Variants in TEAD4 observed in about 807,000 individuals in gnomAD.
TEAD4 encodes the protein TEA domain transcription factor 4.
In TEAD4, 36 loss-of-function variants were observed where a neutral mutation model predicts 52.4. The ratio of observed to expected loss-of-function variants is 0.69; its 90% CI spans 0.53 to 0.91. The LOEUF (loss-of-function observed/expected upper bound fraction) is 0.91. TEAD4 is among the 40% of genes least tolerant of loss of function. TEAD4 has a pLI of 0.00. For missense variants in TEAD4, 508 were observed against 583.9 expected (o/e 0.87, Z 1.34); for synonymous variants, 220 against 231.0 (o/e 0.95, Z 0.43).
chr12:3,040,347 T>TC lies in TEAD4; in HGVS notation c.1192-17dup. On this transcript the variant is annotated splice_polypyrimidine_tract_variant and intron_variant, in intron 12 of 12. Transcript: ENST00000359864. ...CCTTCTGGGGCCTTATTAACCCTTG[T>TC]CTTTTTCTCTCCCACAGGTGGTCAC... The TC allele has an allele frequency of 6.2e-7, 1 of 1,614,136 alleles. No individual in the cohort carries two copies. Among genetic ancestry groups the TC allele is most frequent in the South Asian group, 1.1e-5 (1 of 91,076 alleles).
At chr12:3,023,528 C>T (rs7969524) in intron 10 of TEAD4, among the ~76,000 whole-genome samples, 1 of 151,820 alleles carries the variant, frequency 6.6e-6, no homozygotes, top group Non-Finnish European at 1.5e-5. Context: ...TGGCTCATGC[C>T]TGTAATCCCA....
At chr12:3,039,977 G>T in intron 11 of TEAD4, 130 bp from the exon 12 acceptor site, 1 of 1,262,994 alleles carries the variant, frequency 7.9e-7, no homozygotes, top group Non-Finnish European at 1.1e-6. Flanking sequence ...GTGAGCCACT[G>T]CCCCTGGCTG....
intron 2 of TEAD4, among the ~76,000 whole-genome samples, chr12:2,993,185 C>A (rs1476551225): frequency 6.6e-6 from 1 of 152,190 alleles, no homozygotes; most frequent in African/African-American, 2.4e-5. Flanking sequence ...CGTATATTCA[C>A]AATGCTGCGC....
chr12:3,012,042 TTTCA>T (rs1291535401), intron 4 of TEAD4, 124 bp from the exon 5 acceptor site: 281 of 898,372 alleles, frequency 3.1e-4, no homozygotes, highest in Non-Finnish European at 3.9e-4. Context: ...CAGTTGACCC[TTTCA>T]TTCATTCATT....
At chr12:2,970,681 T>A (rs901998475) in intron 2 of TEAD4, among the ~76,000 whole-genome samples, 1 of 152,194 alleles carries the variant, frequency 6.6e-6, no homozygotes, top group African/African-American at 2.4e-5. Flanking sequence ...AATCTACTCT[T>A]TGCTGTGAAG....
intron 5 of TEAD4, among the ~76,000 whole-genome samples, chr12:3,013,789 G>A (rs2098262291): frequency 6.6e-6 from 1 of 152,206 alleles, no homozygotes; most frequent in Non-Finnish European, 1.5e-5. Context: ...GGTACTTGGA[G>A]GTTGAGGCCA....
chr12:3,022,204 T>C (rs10848763), intron 10 of TEAD4, among the ~76,000 whole-genome samples, 187 bp downstream of exon 10: 109,294 of 152,020 alleles, frequency 0.72, 41,892 homozygotes, highest in East Asian at 0.97. Context: ...GGGGCGGTGA[T>C]CCCAGAGAGC....
chr12:3,020,572 G>A, intron 8 of TEAD4, 62 bp from the exon 9 acceptor site: 1 of 1,454,836 alleles, frequency 6.9e-7, no homozygotes, highest in Non-Finnish European at 9.1e-7. Context: ...GGTCCTTGCA[G>A]AGGGTGCGGG....
intron 2 of TEAD4, among the ~76,000 whole-genome samples, chr12:2,987,486 C>G (rs909611788): frequency 3.4e-4 from 51 of 152,118 alleles, no homozygotes; most frequent in African/African-American, 1.2e-3. Flanking sequence ...CCAGGTGGGA[C>G]TGCAGGGGCG....
intron 11 of TEAD4, among the ~76,000 whole-genome samples, chr12:3,038,909 C>T (rs570098343): frequency 6.6e-6 from 1 of 152,362 alleles, no homozygotes; most frequent in South Asian, 2.1e-4. Context: ...CCCAAAGCAC[C>T]TGTGGACTCT....
chr12:2,962,323 TATAA>T lies in TEAD4; in HGVS notation c.-30+2287_-30+2290del, dbSNP rs1304329702. Among the ~76,000 whole-genome samples, 170 of 96,522 alleles carry T rather than the reference TATAA, an allele frequency of 1.8e-3. 4 individuals carry two copies. Among genetic ancestry groups the T allele is most frequent in the African/African-American group, 8.5e-3 (164 of 19,184 alleles). The allele number at this position is 96,522 out of a possible 152,430, so 63.3% of individuals were successfully genotyped here. On this transcript the variant is annotated intron_variant, in intron 2 of 12. Transcript: ENST00000359864. The stretch of plus-strand genomic sequence containing the variant: ...ATAAATATAAATATATAAATATATA[TATAA>T]ATATAAATATATATATATATTTTTT...
chr12:2,998,875 G>A (rs1328155994), intron 3 of TEAD4, among the ~76,000 whole-genome samples: 1 of 152,136 alleles, frequency 6.6e-6, no homozygotes, highest in Non-Finnish European at 1.5e-5. Context: ...CAGGGCCCTG[G>A]AGGCTGTACT....
In TEAD4 at chr12:3,033,843, T is replaced by G. The variant is rs530194204; in HGVS notation, c.898-4125T>G. Among the ~76,000 whole-genome samples, 79 of 152,132 alleles carry G rather than the reference T, an allele frequency of 5.2e-4. 3 individuals carry two copies. Among genetic ancestry groups the G allele is most frequent in the African/African-American group, 1.8e-3 (76 of 41,488 alleles). On this transcript the variant is annotated intron_variant, in intron 10 of 12. Transcript: ENST00000359864. Reference sequence around the variant, plus strand: ...GCTTGTTTTGGGTGGTTGCTCAGTGTGGGGGGATATGAGGGTGGACAGGAA... The same window carrying G: ...GCTTGTTTTGGGTGGTTGCTCAGTGGGGGGGGATATGAGGGTGGACAGGAA...
chr12:2,965,456 T>G (rs1050376607), intron 2 of TEAD4, among the ~76,000 whole-genome samples: 2 of 152,076 alleles, frequency 1.3e-5, no homozygotes, highest in Non-Finnish European at 2.9e-5. Flanking sequence ...CATCATACCC[T>G]GCCAATTTAA....
chr12:3,015,242 T>C (rs2098263574), intron 5 of TEAD4, among the ~76,000 whole-genome samples: 1 of 151,920 alleles, frequency 6.6e-6, no homozygotes, highest in Non-Finnish European at 1.5e-5. Flanking sequence ...CCCGACCCCT[T>C]GGTTTGCATG....
chr12:2,974,092 C>A (rs2098227472), intron 2 of TEAD4, among the ~76,000 whole-genome samples: 1 of 152,160 alleles, frequency 6.6e-6, no homozygotes, highest in South Asian at 2.1e-4. Flanking sequence ...ACTGCAGCCT[C>A]TGTCTCCCAG....
chr12:3,038,165 A>G (rs2153958811), intron 11 of TEAD4, 57 bp downstream of exon 11: 5 of 1,567,176 alleles, frequency 3.2e-6, no homozygotes, highest in Non-Finnish European at 4.3e-6. Flanking sequence ...TTTGCTGGGC[A>G]TGGCTTCCAT....
At chr12:3,035,844 A>T (rs1565554509) in intron 10 of TEAD4, among the ~76,000 whole-genome samples, 2 of 150,834 alleles carry the variant, frequency 1.3e-5, no homozygotes, top group African/African-American at 4.9e-5. Context: ...AAAAAGAAGA[A>T]GAAGAAGAAA....
chr12:3,018,287 G>C (rs921640982), intron 6 of TEAD4, among the ~76,000 whole-genome samples: 6 of 152,364 alleles, frequency 3.9e-5, no homozygotes, highest in African/African-American at 1.4e-4. Context: ...CTGTGACTCT[G>C]CAGGAGTTGC....
Sources: allele counts gnomAD v4.1 joint callset (sites outside exome capture counted in the v4.1 genomes callset), GRCh38; gene constraint gnomAD v4.1.1; transcripts MANE v1.5; gene names NCBI Gene and HGNC (gene_info 2026-07-23, HGNC 2026-07-21).